The following PTPRD variants were observed in gnomAD, a reference collection of about 807,000 sequenced individuals.
PTPRD encodes the protein protein tyrosine phosphatase receptor type D, also known as receptor-type tyrosine-protein phosphatase delta.
PTPRD carries 34 observed loss-of-function variants against 214.5 expected under a neutral mutation model. That is an observed-to-expected ratio of 0.16 (90% CI 0.12 to 0.21). The LOEUF is 0.21. Among genes scored for constraint, PTPRD ranks in the 10% least tolerant of loss-of-function variants. The pLI is 1.00. For missense variants in PTPRD, 2,545 were observed against 2,398.7 expected (o/e 1.06, Z -1.27); for synonymous variants, 1,128 against 845.7 (o/e 1.33, Z -5.79).
chr9:8,960,935 A>C (rs1036521588), intron 11 of PTPRD, among the ~76,000 whole-genome samples: 5 of 152,148 alleles, frequency 3.3e-5, no homozygotes, highest in African/African-American at 9.7e-5. Context: ...ATATTTATGA[A>C]GTTTTATCTT....
In PTPRD at chr9:10,420,442, T is replaced by C. The variant is rs115440899; in HGVS notation, c.-599-79425A>G. On this transcript the variant is annotated intron_variant, in intron 2 of 45. Transcript: ENST00000381196. ...GATTAGAACTAAATTAGGGGAGACA[T>C]AGAGATTGGTGGCCAAGGTTGAGAG... is the stretch of plus-strand genomic sequence containing the variant. Among the ~76,000 whole-genome samples the C allele has an allele frequency of 2.1e-3, 314 of 151,912 alleles. 4 individuals carry two copies. Among genetic ancestry groups the C allele is most frequent in the African/African-American group, 7.1e-3 (296 of 41,528 alleles).
chr9:9,966,487 A>G (rs1044208849), intron 4 of PTPRD, among the ~76,000 whole-genome samples: 3 of 152,176 alleles, frequency 2.0e-5, no homozygotes, highest in Admixed American at 6.5e-5. Flanking sequence ...AGGGGTTTCA[A>G]TGTGAATAAC....
intron 11 of PTPRD, among the ~76,000 whole-genome samples, chr9:8,745,212 A>C (rs1228214091): frequency 6.6e-6 from 1 of 152,222 alleles, no homozygotes; most frequent in East Asian, 1.9e-4. Context: ...AATGGAATTA[A>C]TAACCTCAAA....
chr9:9,076,823 G>A (rs1261599052), intron 10 of PTPRD, among the ~76,000 whole-genome samples: 1 of 146,714 alleles, frequency 6.8e-6, no homozygotes, highest in Non-Finnish European at 1.5e-5. Context: ...ATACCTAGCT[G>A]TGGGATTGCT....
intron 34 of PTPRD, among the ~76,000 whole-genome samples, chr9:8,441,151 C>A (rs1356675044): frequency 1.3e-5 from 2 of 152,150 alleles, no homozygotes; most frequent in African/African-American, 4.8e-5. Flanking sequence ...CATTTCCTCA[C>A]AATGAGCAGG....
intron 9 of PTPRD, among the ~76,000 whole-genome samples, chr9:9,389,056 G>A (rs915189102): frequency 1.3e-5 from 2 of 152,214 alleles, no homozygotes; most frequent in South Asian, 2.1e-4. Flanking sequence ...AACTTTTTCT[G>A]TGCCTCATTT....
intron 3 of PTPRD, among the ~76,000 whole-genome samples, chr9:10,179,956 G>A (rs988373913): frequency 2.0e-5 from 3 of 151,760 alleles, no homozygotes; most frequent in Admixed American, 2.0e-4. Context: ...TCTTAAAAAG[G>A]GAAAATATGT....
In PTPRD at chr9:8,319,971, C is replaced by A. The variant is rs2130724557; in HGVS notation, c.5535-5G>T. The stretch of plus-strand genomic sequence containing the variant: ...CCAGTTCTTCCAACGCCCGCGCTGC[C>A]ACAATAACAAAGGCGATGTTACTGG... On this transcript the variant is annotated splice_region_variant and splice_polypyrimidine_tract_variant and intron_variant, in intron 44 of 45. Transcript: ENST00000381196. 6.2e-7 allele frequency: 1 copy of A among 1,611,212 alleles called. No homozygotes were observed. The highest frequency in any genetic ancestry group is 1.7e-5 in the Admixed American group (1 of 59,396).
intron 4 of PTPRD, among the ~76,000 whole-genome samples, chr9:9,977,517 C>T (rs1329433668): frequency 6.6e-6 from 1 of 152,066 alleles, no homozygotes; most frequent in East Asian, 1.9e-4. Flanking sequence ...TGTAATTAGA[C>T]ATTAACACTA....
At chr9:8,632,466 G>A (rs2096283271) in intron 14 of PTPRD, among the ~76,000 whole-genome samples, 1 of 151,740 alleles carries the variant, frequency 6.6e-6, no homozygotes, top group African/African-American at 2.4e-5. Flanking sequence ...TTGGAACAGA[G>A]GAAAATACAA....
chr9:10,242,973 T>C (rs2091403792), intron 3 of PTPRD, among the ~76,000 whole-genome samples: 1 of 151,642 alleles, frequency 6.6e-6, no homozygotes, highest in Non-Finnish European at 1.5e-5. Context: ...GACAAAGATA[T>C]GGTTATGTTT....
At chr9:8,512,849 C>G (rs1375704549) in intron 21 of PTPRD, among the ~76,000 whole-genome samples, 1 of 151,954 alleles carries the variant, frequency 6.6e-6, no homozygotes, top group Non-Finnish European at 1.5e-5. Context: ...GCATGAACAT[C>G]AAGCAACATT....
intron 20 of PTPRD, among the ~76,000 whole-genome samples, chr9:8,519,204 T>A (rs1158465945): frequency 6.6e-6 from 1 of 152,178 alleles, no homozygotes; most frequent in Admixed American, 6.5e-5. Flanking sequence ...TTTTAAGGTA[T>A]GTTATGGTCA....
At chr9:10,122,991 C>A (rs1317255259) in intron 3 of PTPRD, among the ~76,000 whole-genome samples, 1 of 152,232 alleles carries the variant, frequency 6.6e-6, no homozygotes, top group Non-Finnish European at 1.5e-5. Context: ...CTATGCTTGC[C>A]TGAGTTACAC....
intron 9 of PTPRD, among the ~76,000 whole-genome samples, chr9:9,265,887 A>G (rs1007572874): frequency 1.3e-5 from 2 of 151,732 alleles, no homozygotes; most frequent in African/African-American, 2.4e-5. Flanking sequence ...TTACCCATCA[A>G]TAATGACTTT....
chr9:9,954,075 T>C (rs556594211), intron 4 of PTPRD, among the ~76,000 whole-genome samples: 90 of 152,004 alleles, frequency 5.9e-4, no homozygotes, highest in African/African-American at 2.0e-3. Context: ...GGCAGGTGGA[T>C]CACTGAGGTC....
At chr9:9,256,387 A>T (rs566982569) in intron 9 of PTPRD, among the ~76,000 whole-genome samples, 5 of 151,796 alleles carry the variant, frequency 3.3e-5, no homozygotes, top group Admixed American at 2.0e-4. Context: ...TAATATCTGC[A>T]TTTTGGTCCT....
intron 7 of PTPRD, among the ~76,000 whole-genome samples, chr9:9,726,245 C>T (rs766802058): frequency 2.0e-5 from 3 of 152,112 alleles, no homozygotes; most frequent in African/African-American, 4.8e-5. Flanking sequence ...ATCGGATATC[C>T]GCATAACACT....
At chr9:8,534,323 A>C (rs182095362) in intron 14 of PTPRD, among the ~76,000 whole-genome samples, 1 of 151,894 alleles carries the variant, frequency 6.6e-6, no homozygotes, top group African/African-American at 2.4e-5. Flanking sequence ...CTGTTATTCT[A>C]TCTATAGAAT....
Sources: allele counts gnomAD v4.1 joint callset (sites outside exome capture counted in the v4.1 genomes callset), GRCh38; gene constraint gnomAD v4.1.1; transcripts MANE v1.5; gene names NCBI Gene and HGNC (gene_info 2026-07-23, HGNC 2026-07-21).